The following CPNE9 variants were observed in gnomAD, a reference collection of about 807,000 sequenced individuals.
CPNE9 encodes copine family member 9, also known as copine-9.
In CPNE9, 59 loss-of-function variants were observed where a neutral mutation model predicts 83.0. That is an observed-to-expected ratio of 0.71 (90% confidence interval 0.58 to 0.88). CPNE9 has a LOEUF of 0.88. CPNE9 is among the 40% of genes least tolerant of loss of function. The pLI is 0.00. For synonymous variants in CPNE9, 256 were observed against 273.4 expected, an observed-to-expected ratio of 0.94 and a Z score of 0.63; for missense variants, 619 against 720.8, an observed-to-expected ratio of 0.86 and a Z score of 1.62.
At chr3:9,726,322 C>T (rs978447618) in intron 18 of CPNE9, among the ~76,000 whole-genome samples, 2 of 152,060 alleles carry the variant, frequency 1.3e-5, no homozygotes, top group Admixed American at 6.6e-5. Flanking sequence ...CTGTGGGTTG[C>T]GTTACAGAAG....
chr3:9,715,187 C>A, intron 11 of CPNE9, 102 bp from the exon 12 acceptor site: 2 of 1,312,416 alleles, frequency 1.5e-6, no homozygotes, highest in Non-Finnish European at 2.2e-6. Context: ...GGCTGCCCTG[C>A]AGCCTAAGTA....
intron 7 of CPNE9, among the ~76,000 whole-genome samples, chr3:9,709,123 A>G (rs190959475): frequency 1.2e-3 from 187 of 150,590 alleles, no homozygotes; most frequent in African/African-American, 4.4e-3. Context: ...AAAATACAAA[A>G]AACTTAGCTG....
intron 7 of CPNE9, among the ~76,000 whole-genome samples, chr3:9,708,936 A>G (rs2076591985): frequency 4.0e-5 from 6 of 150,046 alleles, no homozygotes; most frequent in Admixed American, 4.0e-4. Context: ...ACCCGGCCCA[A>G]GTCAAGGAAA....
rs766703282 is a variant in CPNE9, at chr3:9,704,913, A to G, written c.179A>G (p.Asp60Gly). The G allele has an allele frequency of 5.0e-6, 8 of 1,613,220 alleles. No individual in the cohort carries two copies. Among genetic ancestry groups the G allele is most frequent in the African/African-American group, 2.7e-5 (2 of 74,848 alleles). Residue 60 changes from aspartate (D) to glycine (G), a missense_variant, in exon 4 of 21, where the codon GAT becomes GGT. This residue lies in a region of CPNE9 where 130 missense variants were observed against 117.5 expected (regional missense o/e 1.11). Transcript: ENST00000383832. The surrounding 1 kb of genome is among the most constrained non-coding windows in gnomAD (Gnocchi z 7.1). ...WREFGRTEVI[D>G]NTLNPDFVRK... ...CAGTTCGGACGGACCGAGGTGATTGATAACACGCTGAACCCAGACTTCGTG... is the reference window on the plus strand; with the variant it reads ...CAGTTCGGACGGACCGAGGTGATTGGTAACACGCTGAACCCAGACTTCGTG...
chr3:9,727,288 T>A (rs1006063187), intron 20 of CPNE9, 102 bp downstream of exon 20: 12 of 1,223,724 alleles, frequency 9.8e-6, no homozygotes, highest in Non-Finnish European at 1.5e-5. Flanking sequence ...TCCTACTTTT[T>A]TCCCCCGTCA....
rs1298427070 is a variant in CPNE9 at position 9,704,811 on chromosome 3, C to T, written c.156+16C>T. On this transcript the variant is annotated intron_variant, in intron 3 of 20. Transcript: ENST00000383832. This position sits in a 1 kb window ranked among gnomAD's most constrained non-coding sequence, Gnocchi z 7.1. ...GTGGCGGGAGGTGAGTCCCAGAGCC[C>T]CCTCCCGGCCCAGGGCGTCGCCCGG... 6.2e-7 allele frequency: 1 copy of T among 1,601,520 alleles called. No homozygotes were observed. The highest frequency in any genetic ancestry group is 1.3e-5 in the African/African-American group (1 of 74,712).
intron 10 of CPNE9, among the ~76,000 whole-genome samples, chr3:9,714,036 G>A (rs1434179969): frequency 6.6e-6 from 1 of 152,022 alleles, no homozygotes. Context: ...TCACGCCACT[G>A]CACTCCAGCC....
At chr3:9,716,240 A>G (rs752241624) in intron 14 of CPNE9, among the ~76,000 whole-genome samples, 13 of 152,180 alleles carry the variant, frequency 8.5e-5, no homozygotes, top group Non-Finnish European at 1.5e-4. Flanking sequence ...TTTCATTCTT[A>G]GCTTTCGACT....
intron 17 of CPNE9, among the ~76,000 whole-genome samples, chr3:9,721,674 CAG>C (rs2076735257): frequency 6.6e-6 from 1 of 152,124 alleles, no homozygotes; most frequent in South Asian, 2.1e-4. Flanking sequence ...ATATGAAAAA[CAG>C]AGGCATGAAG....
At chr3:9,705,903 G>A in intron 6 of CPNE9, 84 bp from the exon 7 acceptor site, 1 of 1,481,936 alleles carries the variant, frequency 6.7e-7, no homozygotes, top group Non-Finnish European at 9.4e-7. Flanking sequence ...AACTGCCCTG[G>A]TCCTGTGCAG....
intron 7 of CPNE9, among the ~76,000 whole-genome samples, chr3:9,706,664 T>C (rs1451741192): frequency 6.6e-6 from 1 of 152,154 alleles, no homozygotes; most frequent in African/African-American, 2.4e-5. Context: ...TTAAGTGCTA[T>C]GGGGAAAGAG....
intron 17 of CPNE9, among the ~76,000 whole-genome samples, chr3:9,722,746 C>T (rs2076745639): frequency 6.6e-6 from 1 of 152,150 alleles, no homozygotes; most frequent in Admixed American, 6.5e-5. Flanking sequence ...AACTCCTAGG[C>T]TCAAGGGATC....
In CPNE9 at chr3:9,706,069, C is replaced by CT. The variant is rs374925538; in HGVS notation, c.377+7dup. On this transcript the variant is annotated splice_region_variant and intron_variant, in intron 7 of 20. Transcript: ENST00000383832. The stretch of plus-strand genomic sequence containing the variant: ...CGAGTAGAGCGAACCCTCACGTAAG[C>CT]TGAATAGGAAGGGGTGTGGGAGTGG... 1 of 1,613,004 alleles carries CT rather than the reference C, an allele frequency of 6.2e-7. No individual in the cohort carries two copies.
At position 9,727,314 on chromosome 3, in the gene CPNE9, TCA is replaced by T. The variant is rs1191719377; in HGVS notation, c.1476+129_1476+130del. ...TCCCCCGTCACTCTTTCATCCTTTC[TCA>T]TTCATTGAATACATCCTTTTTGACA... On this transcript the variant is annotated intron_variant, in intron 20 of 20. Coordinates refer to ENST00000383832, the MANE Select transcript of CPNE9 (RefSeq NM_153635.3). The T allele has an allele frequency of 4.9e-6, 5 of 1,023,550 alleles. No homozygotes were observed. The Admixed American group carries it at 9.0e-5, about 18-fold the overall frequency. The allele number at this position is 1,023,550 out of a possible 1,614,324, so 63.4% of individuals were successfully genotyped here. A position where few individuals can be genotyped will look rare whatever the true frequency, so the allele number is the denominator to read the frequency against.
chr3:9,706,091 G>T, intron 7 of CPNE9, 28 bp downstream of exon 7: 1 of 1,606,518 alleles, frequency 6.2e-7, no homozygotes, highest in Non-Finnish European at 8.5e-7. Context: ...GGGTGTGGGA[G>T]TGGGGTGGGG....
At chr3:9,725,646 G>GTATATATGTGTATATGTA (rs1559645981) in intron 17 of CPNE9, among the ~76,000 whole-genome samples, 2 of 65,074 alleles carry the variant, frequency 3.1e-5, no homozygotes, top group South Asian at 6.9e-4. Flanking sequence ...ACATGTATGT[G>GTATATATGTGTATATGTA]TATATATGTG....
At position 9,705,444 on chromosome 3, in the gene CPNE9, C is replaced by CCCGT; in HGVS notation, c.261-20_261-19insCCGT. On this transcript the variant is annotated intron_variant, in intron 4 of 20. Coordinates refer to ENST00000383832, the MANE Select transcript of CPNE9 (RefSeq NM_153635.3). ...TCCCCCACCCAGCCCCACCCCACACCGGTTCCACTCTTTTCCCAGGTACAA... is the reference window on the plus strand; with the variant it reads ...TCCCCCACCCAGCCCCACCCCACACCCCGTGGTTCCACTCTTTTCCCAGGTACAA... 6.6e-7 allele frequency: 1 copy of CCCGT among 1,514,208 alleles called. No individual in the cohort carries two copies. The highest frequency in any genetic ancestry group is 9.0e-7 in the Non-Finnish European group (1 of 1,113,930). 93.8% of individuals were successfully genotyped at this position (1,514,208 alleles called of 1,614,324 possible). A position where few individuals can be genotyped will look rare whatever the true frequency, so the allele number is the denominator to read the frequency against.
At chr3:9,713,445 A>C (rs1471409793) in intron 10 of CPNE9, among the ~76,000 whole-genome samples, 1 of 152,142 alleles carries the variant, frequency 6.6e-6, no homozygotes, top group Non-Finnish European at 1.5e-5. Flanking sequence ...GGGGCAGATA[A>C]ATGAATGGAC....
At chr3:9,705,438 C>A in intron 4 of CPNE9, 26 bp from the exon 5 acceptor site, 2 of 1,491,208 alleles carry the variant, frequency 1.3e-6, no homozygotes, top group African/African-American at 1.4e-5. Flanking sequence ...CAGCCCCACC[C>A]CACACCGGTT....
Sources: allele counts gnomAD v4.1 joint callset (sites outside exome capture counted in the v4.1 genomes callset), GRCh38; gene constraint gnomAD v4.1.1; regional missense constraint gnomAD v4.1.1; non-coding constraint Gnocchi (gnomAD v3.1); transcripts MANE v1.5; gene names NCBI Gene and HGNC (gene_info 2026-07-23, HGNC 2026-07-21).